The following DUXA variants were observed in gnomAD, a reference collection of about 807,000 sequenced individuals.
DUXA encodes double homeobox protein A.
DUXA carries 25 observed loss-of-function variants against 27.5 expected under a neutral mutation model. The ratio of observed to expected loss-of-function variants is 0.91; its 90% CI spans 0.66 to 1.27. DUXA has a LOEUF of 1.27. Among genes scored for constraint, DUXA ranks in the 50% most tolerant of loss-of-function variants. The pLI is 0.00. For synonymous variants in DUXA, 90 were observed against 80.5 expected, an observed-to-expected ratio of 1.12 and a Z score of -0.63; for missense variants, 247 against 242.9, an observed-to-expected ratio of 1.02 and a Z score of -0.11.
At position 57,154,021 on chromosome 19, in the gene DUXA, T is replaced by C. The variant is rs553532050; in HGVS notation, c.*391A>G. The C allele has an allele frequency of 2.5e-5, 4 of 156,894 alleles. No individual in the cohort carries two copies. The highest frequency in any genetic ancestry group is 2.0e-4 in the South Asian group (1 of 5,086). The allele number at this position is 156,894 out of a possible 1,614,324, so 9.7% of individuals were successfully genotyped here. ...TACAAATCAATAATTACTGTGATGA[T>C]TGAAAAAAGATTATTACCAAGTTTA... On this transcript the variant is annotated 3_prime_UTR_variant, in exon 6 of 6. Transcript: ENST00000554048.
intron 4 of DUXA, among the ~76,000 whole-genome samples, chr19:57,158,043 AACTAATATTC>A (rs2087000999): frequency 1.3e-5 from 2 of 152,074 alleles, no homozygotes; most frequent in East Asian, 3.9e-4. Flanking sequence ...ATGCAATGTT[AACTAATATTC>A]ACTCACTCAA....
At chr19:57,165,320 A>ATATATATATATATATATGTATAT (rs1380503736) in intron 1 of DUXA, among the ~76,000 whole-genome samples, 13 of 96,630 alleles carry the variant, frequency 1.3e-4, no homozygotes, top group Non-Finnish European at 3.0e-4. Context: ...AAAAAAAAAA[A>ATATATATATATATATATGTATAT]AAAAATATAT....
intron 2 of DUXA, among the ~76,000 whole-genome samples, chr19:57,159,876 G>A (rs1318399469): frequency 6.6e-6 from 1 of 151,882 alleles, no homozygotes; most frequent in African/African-American, 2.4e-5. Context: ...GCCGAAGCAG[G>A]CAGATCACGA....
chr19:57,162,858 G>C (rs2087031555), intron 1 of DUXA, among the ~76,000 whole-genome samples: 2 of 152,142 alleles, frequency 1.3e-5, no homozygotes, highest in Admixed American at 1.3e-4. Flanking sequence ...ACGGGTGTGA[G>C]CCACTGCACC....
intron 1 of DUXA, 143 bp downstream of exon 1, chr19:57,167,276 A>G: frequency 3.0e-6 from 3 of 1,002,382 alleles, no homozygotes; most frequent in South Asian, 2.9e-5. Context: ...ATAATATCAC[A>G]TCAGAGAAAC....
chr19:57,154,285 G>T lies in DUXA; in HGVS notation c.*127C>A. 2 of 841,722 alleles carry T rather than the reference G, an allele frequency of 2.4e-6. No homozygotes were observed. The highest frequency in any genetic ancestry group is 3.7e-6 in the Non-Finnish European group (2 of 534,352). 52.1% of individuals were successfully genotyped at this position (841,722 alleles called of 1,614,324 possible). Reference sequence around the variant, plus strand: ...TTACAAGTGTGACCCACCACATCTGGCCAAGTCCTTTACCATCTTCAGAAG... The same window carrying T: ...TTACAAGTGTGACCCACCACATCTGTCCAAGTCCTTTACCATCTTCAGAAG... On this transcript the variant is annotated 3_prime_UTR_variant, in exon 6 of 6. Transcript: ENST00000554048.
chr19:57,160,571 T>C, intron 2 of DUXA, 72 bp downstream of exon 2: 2 of 1,555,568 alleles, frequency 1.3e-6, no homozygotes, highest in Non-Finnish European at 8.8e-7. Flanking sequence ...GGGTACATAG[T>C]ATGGGCTCCG....
At chr19:57,162,995 G>T (rs114100051) in intron 1 of DUXA, among the ~76,000 whole-genome samples, 2 of 151,510 alleles carry the variant, frequency 1.3e-5, no homozygotes, top group Non-Finnish European at 2.9e-5. Flanking sequence ...CTCATCATAC[G>T]CGACATTCCA....
Position 57,158,485 on chromosome 19 carries a change from A to G in DUXA, c.293-12T>C. 1 of 1,608,828 alleles carries G rather than the reference A, an allele frequency of 6.2e-7. No homozygotes were observed. The highest frequency in any genetic ancestry group is 8.5e-7 in the Non-Finnish European group (1 of 1,175,682). On this transcript the variant is annotated splice_polypyrimidine_tract_variant and intron_variant, in intron 3 of 5. Transcript: ENST00000554048. ...TCTGGCTTCTCTACCTAGGGAAGGCATGGAAAGATGGAGGGGGGCGGTCAA... is the reference window on the plus strand; with the variant it reads ...TCTGGCTTCTCTACCTAGGGAAGGCGTGGAAAGATGGAGGGGGGCGGTCAA...
chr19:57,161,505 C>T (rs867189533), intron 1 of DUXA, among the ~76,000 whole-genome samples: 1 of 149,586 alleles, frequency 6.7e-6, no homozygotes, highest in East Asian at 2.0e-4. Flanking sequence ...CACCTGTAGT[C>T]CCAGCTACTC....
In DUXA at chr19:57,160,796, C is replaced by G; in HGVS notation, c.27G>C (p.Lys9Asn). Residue 9 changes from lysine to asparagine, a missense_variant and splice_region_variant, in exon 2 of 6, where the codon AAG becomes AAC. Transcript: ENST00000554048. ...AGCGCCTATGATTTGTTTTTACCAT[C>G]TCTGTAGGAAGATTACAAAAGAAGA... MAEDTYSH[K>N]MVKTNHRRCR... The G allele has an allele frequency of 6.2e-7, 1 of 1,613,858 alleles. No homozygotes were observed.
chr19:57,159,995 C>T (rs1476449896), intron 2 of DUXA, among the ~76,000 whole-genome samples: 1 of 152,062 alleles, frequency 6.6e-6, no homozygotes, highest in African/African-American at 2.4e-5. Context: ...GTCCCAGCTA[C>T]TTGGGAGGCT....
At chr19:57,166,045 C>A (rs1011338577) in intron 1 of DUXA, among the ~76,000 whole-genome samples, 83 of 152,022 alleles carry the variant, frequency 5.5e-4, no homozygotes, top group Admixed American at 5.9e-4. Context: ...ATAACATGAA[C>A]AAAGGCTTGA....
intron 1 of DUXA, 48 bp downstream of exon 1, chr19:57,167,371 C>A (rs1269221664): frequency 6.2e-7 from 1 of 1,611,154 alleles, no homozygotes; most frequent in South Asian, 1.1e-5. Flanking sequence ...TTTAGCCCTA[C>A]TTTTTCCCCA....
At chr19:57,162,727 G>T (rs1475119819) in intron 1 of DUXA, among the ~76,000 whole-genome samples, 2 of 151,892 alleles carry the variant, frequency 1.3e-5, no homozygotes, top group Non-Finnish European at 2.9e-5. Context: ...GGCACGTGCC[G>T]CCACGCCTGG....
At chr19:57,162,247 A>T (rs74533014) in intron 1 of DUXA, among the ~76,000 whole-genome samples, 10,621 of 152,196 alleles carry the variant, frequency 0.07, 1,225 homozygotes, top group African/African-American at 0.24. Flanking sequence ...GCAAACAGTA[A>T]CAGTTTCCAA....
rs921892812 is a variant in DUXA, at chr19:57,163,368, A to T, written c.26-2571T>A. On this transcript the variant is annotated intron_variant, in intron 1 of 5. Coordinates refer to ENST00000554048, the MANE Select transcript of DUXA (RefSeq NM_001012729.2). The stretch of plus-strand genomic sequence containing the variant: ...CCCTAGGTTGCCCAGGCTGTATGAG[A>T]CTCCTGGCCTCCCCATACAATCCTC... Among the ~76,000 whole-genome samples the T allele has an allele frequency of 2.9e-4, 44 of 151,026 alleles. 2 individuals are homozygous for T.
In DUXA at chr19:57,164,727, A is replaced by G. The variant is rs1296128269; in HGVS notation, c.25+2692T>C. On this transcript the variant is annotated intron_variant, in intron 1 of 5. Coordinates refer to ENST00000554048, the MANE Select transcript of DUXA (RefSeq NM_001012729.2). ...ATGCTAGCAATTCAAATAATTACAT[A>G]CATCCTTCTTTTCCAGACAAGCATC... is the stretch of plus-strand genomic sequence containing the variant. 2.6e-5 allele frequency among the ~76,000 whole-genome samples: 4 copies of G among 152,222 alleles called. No individual in the cohort carries two copies. In the South Asian group the frequency reaches 8.3e-4, roughly 31 times the overall value.
At chr19:57,155,425 T>C (rs2086988002) in intron 4 of DUXA, 53 bp from the exon 5 acceptor site, 5 of 1,359,886 alleles carry the variant, frequency 3.7e-6, no homozygotes, top group Non-Finnish European at 3.1e-6. Flanking sequence ...TGTGTAAAAC[T>C]CATGATTGCT....
Sources: gnomAD v4.1 joint callset for allele counts (sites outside exome capture counted in the v4.1 genomes callset) on GRCh38, gnomAD v4.1.1 for gene constraint, MANE v1.5 for transcripts, NCBI Gene and HGNC (gene_info 2026-07-23, HGNC 2026-07-21) for gene names.